Variants in WDR20 observed in about 807,000 individuals in gnomAD.
The protein encoded by WDR20 is WD repeat-containing protein 20.
WDR20 carries 3 observed loss-of-function variants against 38.7 expected under a neutral mutation model. The observed-to-expected ratio is 0.08, with a 90% CI of 0.04 to 0.20. WDR20 has a LOEUF of 0.20. Ranked by LOEUF, WDR20 falls within the 10% of genes least tolerant of loss-of-function variation. WDR20 has a pLI of 1.00. For synonymous variants in WDR20, 298 were observed against 285.6 expected, an observed-to-expected ratio of 1.04 and a Z score of -0.44; for missense variants, 559 against 727.7, an observed-to-expected ratio of 0.77 and a Z score of 2.67.
chr14:102,193,351 C>A, intron 1 of WDR20: 1 of 1,135,252 alleles, frequency 8.8e-7, no homozygotes, highest in Non-Finnish European at 1.3e-6. Flanking sequence ...CTCCCCTCCA[C>A]TGGCCGCTTT....
At chr14:102,210,944 C>G (rs1051247268), downstream of WDR20, among the ~76,000 whole-genome samples, 1 of 152,194 alleles carries the variant, frequency 6.6e-6, no homozygotes, top group African/African-American at 2.4e-5. Context: ...CGGGATTACT[C>G]TTGGGATGCT....
intron 1 of WDR20, among the ~76,000 whole-genome samples, chr14:102,175,769 G>C (rs1307672): frequency 6.6e-6 from 1 of 151,994 alleles, no homozygotes; most frequent in African/African-American, 2.4e-5. Flanking sequence ...TCATGTCAAT[G>C]GTTAGATATA....
chr14:102,198,446 G>C (rs2152960236), intron 2 of WDR20: 1 of 168,720 alleles, frequency 5.9e-6, no homozygotes, highest in African/African-American at 2.4e-5. Flanking sequence ...AAACTGGGAG[G>C]CAGAGGACAT....
At chr14:102,153,904 G>C (rs528465674) in intron 1 of WDR20, among the ~76,000 whole-genome samples, 1 of 152,210 alleles carries the variant, frequency 6.6e-6, no homozygotes, top group Admixed American at 6.5e-5. Flanking sequence ...AATACCCTTT[G>C]TCTGGGTACA....
At position 102,197,054 on chromosome 14, in the gene WDR20, G is replaced by A. The variant is rs529026809; in HGVS notation, c.432+1934G>A. ...ATGGTGGTGAAGTAGTCATCGTGTCGTGCTTTGCTGTGGTGTGACATTTAC... is the reference window on the plus strand; with the variant it reads ...ATGGTGGTGAAGTAGTCATCGTGTCATGCTTTGCTGTGGTGTGACATTTAC... On this transcript the variant is annotated intron_variant, in intron 2 of 2. Coordinates refer to ENST00000342702, the MANE Select transcript of WDR20 (RefSeq NM_144574.4). Among the ~76,000 whole-genome samples, 57 of 152,300 alleles carry A rather than the reference G, an allele frequency of 3.7e-4. 1 individual carries two copies. The highest frequency in any genetic ancestry group is 1.3e-3 in the African/African-American group (53 of 41,554).
At chr14:102,161,140 A>T (rs535496532) in intron 1 of WDR20, among the ~76,000 whole-genome samples, 194 of 10,790 alleles carry the variant, frequency 0.018, 6 homozygotes, top group East Asian at 0.026. Context: ...ATATATATAT[A>T]TATTTTTTTT....
At chr14:102,224,702 A>T (rs1170892765), downstream of WDR20, 2 of 455,922 alleles carry the variant, frequency 4.4e-6, no homozygotes, top group Non-Finnish European at 8.8e-6. Flanking sequence ...TTCGGAGGAG[A>T]CATTAGTTAC....
intron 2 of WDR20, among the ~76,000 whole-genome samples, chr14:102,197,492 A>C (rs942959240): frequency 3.3e-5 from 5 of 152,244 alleles, no homozygotes; most frequent in Admixed American, 6.5e-5. Context: ...AAGGGTACAT[A>C]GTCATTAGAG....
chr14:102,201,913 C>T (rs2060459059), intron 2 of WDR20, among the ~76,000 whole-genome samples: 1 of 151,756 alleles, frequency 6.6e-6, no homozygotes. Flanking sequence ...CCCTGCCCAT[C>T]TCTCAGTGTA....
chr14:102,219,561 C>T (rs527393459), downstream of WDR20, among the ~76,000 whole-genome samples: 163 of 152,368 alleles, frequency 1.1e-3, no homozygotes, highest in African/African-American at 3.6e-3. Flanking sequence ...GCCTTCGCTT[C>T]GCCTTCCGGT....
intron 1 of WDR20, among the ~76,000 whole-genome samples, chr14:102,162,009 A>C (rs1036999225): frequency 2.0e-5 from 3 of 152,172 alleles, no homozygotes; most frequent in African/African-American, 7.2e-5. Flanking sequence ...ACCTTTAGCA[A>C]AGAGATTGGA....
chr14:102,200,033 T>C (rs2060032565), intron 2 of WDR20, among the ~76,000 whole-genome samples: 1 of 152,244 alleles, frequency 6.6e-6, no homozygotes, highest in Non-Finnish European at 1.5e-5. Flanking sequence ...TCTCCAAGTC[T>C]GGCCCTGATC....
chr14:102,217,856 C>CT (rs1361720480), downstream of WDR20, among the ~76,000 whole-genome samples: 1 of 152,232 alleles, frequency 6.6e-6, no homozygotes, highest in Non-Finnish European at 1.5e-5. Context: ...CGCACCGTCT[C>CT]TAAAAAGGTG....
chr14:102,172,575 G>T (rs1318435370), intron 1 of WDR20, among the ~76,000 whole-genome samples: 7 of 141,276 alleles, frequency 5.0e-5, no homozygotes, highest in Non-Finnish European at 7.9e-5. Context: ...GCGGCTGGCC[G>T]GGCAGAGGGG....
chr14:102,224,190 C>T (rs965742899), downstream of WDR20, among the ~76,000 whole-genome samples: 15 of 151,828 alleles, frequency 9.9e-5, no homozygotes, highest in African/African-American at 2.7e-4. Flanking sequence ...TACAGGCGCC[C>T]GCCACCACGC....
chr14:102,217,047 ACCCCTTCC>A (rs2063307140), downstream of WDR20, among the ~76,000 whole-genome samples: 1 of 151,950 alleles, frequency 6.6e-6, no homozygotes, highest in South Asian at 2.1e-4. Context: ...GCTCCCTACC[ACCCCTTCC>A]AGGGTCAGTG....
At position 102,222,680 on chromosome 14, in the gene WDR20, A is replaced by T. The variant is rs1026669508; in HGVS notation, c.1693-150A>T. The T allele has an allele frequency of 9.1e-6, 7 of 765,034 alleles. No individual in the cohort carries two copies. The highest frequency in any genetic ancestry group is 4.1e-5 in the Admixed American group (2 of 48,688). 47.4% of individuals were successfully genotyped at this position (765,034 alleles called of 1,614,324 possible). On this transcript the variant is annotated intron_variant, in intron 3 of 3. Transcript: ENST00000335263. This position sits in a 1 kb window ranked among gnomAD's most constrained non-coding sequence, Gnocchi z 4.4. ...GAACGCAGTGATCTGGATAGGAATTAAATAGATGAAGTGGAGGGTTTGCTC... is the reference window on the plus strand; with the variant it reads ...GAACGCAGTGATCTGGATAGGAATTTAATAGATGAAGTGGAGGGTTTGCTC...
chr14:102,186,843 G>A (rs1179710932), intron 1 of WDR20, among the ~76,000 whole-genome samples: 2 of 151,940 alleles, frequency 1.3e-5, no homozygotes, highest in African/African-American at 2.4e-5. Flanking sequence ...CCAGCTACTC[G>A]GGAGGCTGAG....
intron 1 of WDR20, among the ~76,000 whole-genome samples, chr14:102,178,697 T>C (rs2062711097): frequency 6.6e-6 from 1 of 151,796 alleles, no homozygotes; most frequent in African/African-American, 2.4e-5. Context: ...TAGGATCTAG[T>C]ATTGGTTTAC....
Sources: allele counts gnomAD v4.1 joint callset (sites outside exome capture counted in the v4.1 genomes callset), GRCh38; gene constraint gnomAD v4.1.1; non-coding constraint Gnocchi (gnomAD v3.1); transcripts MANE v1.5; gene names NCBI Gene and HGNC (gene_info 2026-07-23, HGNC 2026-07-21).